Variants in RTN4 observed in about 807,000 individuals in gnomAD.
RTN4 encodes reticulon 4.
In RTN4, 32 loss-of-function variants were observed where a neutral mutation model predicts 90.4. That is an observed-to-expected ratio of 0.35 (90% CI 0.27 to 0.48). The LOEUF (loss-of-function observed/expected upper bound fraction) is 0.48, where lower values mean the gene tolerates loss of function less well. Ranked by LOEUF, RTN4 falls within the 20% of genes least tolerant of loss-of-function variation. The probability of loss-of-function intolerance (pLI) is 0.99; values close to 1 mark genes in which losing one functional copy is unlikely to be tolerated. For missense variants in RTN4, 1,706 were observed against 1,430.2 expected (o/e 1.19, Z -3.11); for synonymous variants, 629 against 552.5 (o/e 1.14, Z -1.94).
intron 3 of RTN4, among the ~76,000 whole-genome samples, chr2:54,990,461 T>A (rs1678913576): frequency 6.6e-6 from 1 of 152,228 alleles, no homozygotes; most frequent in South Asian, 2.1e-4. Flanking sequence ...ATTAGTAAGA[T>A]AATTAATGTA....
In RTN4 at chr2:55,084,644, G is replaced by A. The variant is rs145893230; in HGVS notation, c.-213-4005C>T. Among the ~76,000 whole-genome samples, 480 of 152,300 alleles carry A rather than the reference G, an allele frequency of 3.2e-3. 2 individuals are homozygous for A. Among genetic ancestry groups the A allele is most frequent in the African/African-American group, 0.01 (429 of 41,564 alleles). On this transcript the variant is annotated intron_variant, in intron 1 of 3. Coordinates refer to the RTN4 transcript ENST00000427710. Reference sequence around the variant, plus strand: ...GTTTGGGGCAGTCTCATGGGATTGAGCCCTTAACCTGTGGCGTCTGTGCTG... The same window carrying A: ...GTTTGGGGCAGTCTCATGGGATTGAACCCTTAACCTGTGGCGTCTGTGCTG...
chr2:55,122,639 A>T, the RTN4 span, among the ~76,000 whole-genome samples: 1 of 152,252 alleles, frequency 6.6e-6, no homozygotes, highest in African/African-American at 2.4e-5. Flanking sequence ...GGGCACAAGC[A>T]GGCAGTGTGC....
chr2:55,052,445 T>A (rs1165465449), upstream of RTN4, among the ~76,000 whole-genome samples: 1 of 152,208 alleles, frequency 6.6e-6, no homozygotes, highest in Non-Finnish European at 1.5e-5. Context: ...GTTACTTGAT[T>A]GGGTTAATTA....
At chr2:54,995,072 TC>T (rs1324266700) in intron 3 of RTN4, among the ~76,000 whole-genome samples, 3 of 152,060 alleles carry the variant, frequency 2.0e-5, no homozygotes, top group Non-Finnish European at 4.4e-5. Context: ...AAACCCCATC[TC>T]TACTAAAAAT....
At chr2:55,111,074 C>T (rs1025494704) in intron 1 of RTN4, among the ~76,000 whole-genome samples, 2 of 151,760 alleles carry the variant, frequency 1.3e-5, no homozygotes, top group African/African-American at 2.4e-5. Flanking sequence ...AATGTATCTC[C>T]GCATGGGGGA....
chr2:55,106,944 G>T (rs1351679016), intron 1 of RTN4, among the ~76,000 whole-genome samples: 1 of 152,156 alleles, frequency 6.6e-6, no homozygotes, highest in Non-Finnish European at 1.5e-5. Context: ...ATCACCGTAA[G>T]TGTAAAATCA....
chr2:55,026,802 T>G lies in RTN4; in HGVS notation c.1297A>C (p.Asn433His). 6.2e-7 allele frequency: 1 copy of G among 1,614,018 alleles called. No homozygotes were observed. Among genetic ancestry groups the G allele is most frequent in the Non-Finnish European group, 8.5e-7 (1 of 1,179,916 alleles). The change falls in exon 3 of 9, where the codon AAT (asparagine) becomes CAT (histidine). Residue 433 changes from asparagine (N) to histidine (H), a missense_variant. Coordinates refer to ENST00000337526, the MANE Select transcript of RTN4 (RefSeq NM_020532.5). ...KCFADSLEQT[N>H]HEKDSESSND... is the part of the protein sequence containing the mutation. The stretch of plus-strand genomic sequence containing the variant: ...CTACTCTCACTATCTTTTTCGTGAT[T>G]AGTTTGCTCAAGGCTATCTGCAAAA...
chr2:55,110,162 T>C (rs1157388974), intron 1 of RTN4, among the ~76,000 whole-genome samples: 3 of 151,804 alleles, frequency 2.0e-5, no homozygotes, highest in African/African-American at 4.8e-5. Context: ...AATACAAAAA[T>C]TAGCCAGGTA....
chr2:54,976,344 A>G (rs1167474210), intron 5 of RTN4, among the ~76,000 whole-genome samples: 1 of 152,180 alleles, frequency 6.6e-6, no homozygotes, highest in African/African-American at 2.4e-5. Context: ...CACTTCCTAA[A>G]AGCCAGGCTA....
chr2:55,137,750 A>T, the RTN4 span, among the ~76,000 whole-genome samples: 1 of 152,022 alleles, frequency 6.6e-6, no homozygotes, highest in Non-Finnish European at 1.5e-5. Flanking sequence ...TCTCAGCTGT[A>T]GCCTGAAATC....
chr2:55,049,529 C>G (rs562869771), intron 1 of RTN4: 16 of 755,896 alleles, frequency 2.1e-5, no homozygotes, highest in Admixed American at 4.9e-5. Flanking sequence ...ACGTGTTCCC[C>G]GAAACCAAGA....
Position 55,050,184 on chromosome 2 carries a change from C to G in RTN4, c.117G>C (p.Glu39Asp). The G allele has an allele frequency of 6.4e-7, 1 of 1,570,956 alleles. No individual in the cohort carries two copies. Among genetic ancestry groups the G allele is most frequent in the Non-Finnish European group, 8.6e-7 (1 of 1,163,950 alleles). The change falls in exon 1 of 9, where the codon GAG (glutamate) becomes GAC (aspartate). Residue 39 changes from glutamate to aspartate, a missense_variant. Glu to Asp is a conservative substitution (Grantham distance 45). Transcript: ENST00000337526. The surrounding 1 kb of genome is among the most constrained non-coding windows in gnomAD (Gnocchi z 4.6). ...REPEDEEEEE[E>D]EEEEDEDEDL... ...CTTCGTCCTCGTCCTCCTCTTCCTC[C>G]TCCTCTTCTTCCTCCTCGTCCTCGG...
intron 1 of RTN4, among the ~76,000 whole-genome samples, chr2:55,092,382 T>C (rs1178359157): frequency 2.0e-5 from 3 of 151,846 alleles, no homozygotes; most frequent in Non-Finnish European, 2.9e-5. Context: ...ATTACAGGCA[T>C]TCACCACCAC....
At chr2:55,028,012 ATAAAATGCACAT>A (rs1682032390) in intron 2 of RTN4, 140 bp downstream of exon 2, 5 of 615,850 alleles carry the variant, frequency 8.1e-6, no homozygotes, top group Non-Finnish European at 1.3e-5. Context: ...GGCATACCAT[ATAAAATGCACAT>A]TTCAACTTTT....
chr2:55,107,545 T>TG (rs1219045405), intron 1 of RTN4, among the ~76,000 whole-genome samples: 1 of 151,732 alleles, frequency 6.6e-6, no homozygotes, highest in East Asian at 1.9e-4. Flanking sequence ...CTGGTACATC[T>TG]GGGGGGGTTT....
chr2:55,107,192 A>G (rs1217747915), intron 1 of RTN4, among the ~76,000 whole-genome samples: 1 of 151,910 alleles, frequency 6.6e-6, no homozygotes, highest in Non-Finnish European at 1.5e-5. Flanking sequence ...AGTTTTGTTT[A>G]GTTGCGTGTA....
chr2:55,027,942 G>T (rs1354469960), intron 2 of RTN4, among the ~76,000 whole-genome samples: 1 of 151,960 alleles, frequency 6.6e-6, no homozygotes, highest in East Asian at 1.9e-4. Context: ...GTAATTCAAG[G>T]GTCCAAGAAT....
At chr2:55,054,765 C>G (rs7601895), upstream of RTN4, among the ~76,000 whole-genome samples, 44,585 of 152,028 alleles carry the variant, frequency 0.29, 6,708 homozygotes, top group African/African-American at 0.34. Context: ...TGAATGACAT[C>G]TGACCTTTCT....
chr2:55,074,925 C>A (rs1668575640), intron 2 of RTN4, among the ~76,000 whole-genome samples: 2 of 152,146 alleles, frequency 1.3e-5, no homozygotes, highest in Admixed American at 1.3e-4. Flanking sequence ...AAGAGACATA[C>A]CTTAAGGTAG....
Sources: gnomAD v4.1 joint callset for allele counts (sites outside exome capture counted in the v4.1 genomes callset) on GRCh38, gnomAD v4.1.1 for gene constraint, Gnocchi (gnomAD v3.1) non-coding constraint, MANE v1.5 for transcripts, NCBI Gene and HGNC (gene_info 2026-07-23, HGNC 2026-07-21) for gene names.